RALGAPB: variants seen among roughly 807,000 people sequenced by gnomAD.
RALGAPB encodes ral GTPase-activating protein subunit beta.
Under a neutral mutation model 161.1 loss-of-function variants are expected in RALGAPB, and 25 were observed. The ratio of observed to expected loss-of-function variants is 0.16; its 90% CI spans 0.11 to 0.22. RALGAPB has a LOEUF of 0.22. RALGAPB is among the 10% of genes least tolerant of loss of function. RALGAPB has a pLI of 1.00. For missense variants in RALGAPB, 1,391 were observed against 1,815.2 expected, an observed-to-expected ratio of 0.77 and a Z score of 4.25; for synonymous variants, 629 against 626.1, an observed-to-expected ratio of 1.00 and a Z score of -0.07.
At chr20:38,570,338 A>C (rs2145532443) in intron 27 of RALGAPB, among the ~76,000 whole-genome samples, 1 of 152,208 alleles carries the variant, frequency 6.6e-6, no homozygotes, top group African/African-American at 2.4e-5. Flanking sequence ...CACTTCACTT[A>C]CCCTCTCTCC....
chr20:38,564,560 G>A (rs187695782), intron 24 of RALGAPB, among the ~76,000 whole-genome samples: 155 of 151,872 alleles, frequency 1.0e-3, no homozygotes, highest in Admixed American at 8.3e-3. Context: ...CCAATTTTTG[G>A]TCCGATTGTT....
rs773196644 is a variant in RALGAPB, at chr20:38,535,190, C to T, written c.2362C>T (p.Leu788Phe). 1.1e-5 allele frequency: 17 copies of T among 1,614,088 alleles called. No homozygotes were observed. In the South Asian group the frequency reaches 1.6e-4, roughly 16 times the overall value. Residue 788 changes from leucine (L) to phenylalanine (F), a missense_variant, in exon 16 of 30, where the codon CTC (leucine) becomes TTC (phenylalanine). By Grantham distance (22) the Leu-to-Phe change is conservative (BLOSUM62 0). Transcript: ENST00000262879. ...MSISLAALEL[L>F]SGLAKVKVMV... ...CATATCACTGGCAGCTCTAGAGCTC[C>T]TCTCTGGCCTTGCAAAGGTGAGGAA...
intron 1 of RALGAPB, among the ~76,000 whole-genome samples, chr20:38,473,452 C>T (rs1380387327): frequency 1.3e-5 from 2 of 152,198 alleles, no homozygotes. Flanking sequence ...GCCCATTGCA[C>T]AGTGACACTT....
intron 13 of RALGAPB, among the ~76,000 whole-genome samples, chr20:38,528,624 C>T (rs2086546786): frequency 6.6e-6 from 1 of 152,086 alleles, no homozygotes; most frequent in Admixed American, 6.5e-5. Context: ...CCTCCTTAGC[C>T]TCCCAAAATG....
At chr20:38,500,548 A>G (rs1052866089) in intron 5 of RALGAPB, among the ~76,000 whole-genome samples, 6 of 152,322 alleles carry the variant, frequency 3.9e-5, no homozygotes, top group Admixed American at 2.6e-4. Flanking sequence ...CTTGAGACAC[A>G]ATGATACTGA....
chr20:38,498,113 A>G (rs1283056037), intron 4 of RALGAPB, among the ~76,000 whole-genome samples: 1 of 151,820 alleles, frequency 6.6e-6, no homozygotes, highest in Non-Finnish European at 1.5e-5. Flanking sequence ...CAATTAAATT[A>G]GAGCCTATAG....
Position 38,521,618 on chromosome 20 carries a change from A to T in RALGAPB, c.1539A>T (p.Arg513Ser). 6.2e-7 allele frequency: 1 copy of T among 1,614,214 alleles called. No individual in the cohort carries two copies. The highest frequency in any genetic ancestry group is 1.1e-5 in the South Asian group (1 of 91,088). ...SEFPDNYEAG[R>S]AEACGTLCRI... The stretch of plus-strand genomic sequence containing the variant: ...TTCCTGATAACTATGAAGCAGGAAG[A>T]GCTGAGGCTTGTGGGACACTGTGTA... Residue 513 changes from arginine to serine, a missense_variant, in exon 10 of 30, where the codon AGA becomes AGT. Around this residue, in one of 3 missense-constraint regions of RALGAPB, gnomAD observed 946 missense variants for 1,257.2 expected, o/e 0.75. Coordinates refer to ENST00000262879, the MANE Select transcript of RALGAPB (RefSeq NM_020336.4).
Position 38,500,165 on chromosome 20 carries a change from A to G in RALGAPB, c.740+532A>G, listed in dbSNP as rs574378920. 6.0e-5 allele frequency among the ~76,000 whole-genome samples: 9 copies of G among 150,664 alleles called. No homozygotes were observed. In the East Asian group the frequency reaches 1.7e-3, roughly 29 times the overall value. On this transcript the variant is annotated intron_variant, in intron 5 of 29. Coordinates refer to ENST00000262879, the MANE Select transcript of RALGAPB (RefSeq NM_020336.4). ...TCATTTTTTTCAGACTTATTTTTTCATTTCAATCGTGATTTTAATATGCAA... is the reference window on the plus strand; with the variant it reads ...TCATTTTTTTCAGACTTATTTTTTCGTTTCAATCGTGATTTTAATATGCAA...
In RALGAPB at chr20:38,517,988, A is replaced by T; in HGVS notation, c.1405A>T (p.Ser469Cys). The T allele has an allele frequency of 6.2e-7, 1 of 1,605,896 alleles. No homozygotes were observed. Among genetic ancestry groups the T allele is most frequent in the Non-Finnish European group, 8.5e-7 (1 of 1,172,446 alleles). ...ACTTCATAATGGGATAAACAGAGAC[A>T]GCAGCATGACTGGTAAATATTACTC... ...CKLHNGINRD[S>C]SMTAITTQAS... The change falls in exon 9 of 30, where the codon AGC becomes TGC. Residue 469 changes from serine (S) to cysteine (C), a missense_variant. Ser to Cys is a moderately radical substitution (Grantham distance 112). This residue lies in a region of RALGAPB where 946 missense variants were observed against 1,257.2 expected (regional missense o/e 0.75). Transcript: ENST00000262879.
chr20:38,562,722 T>G (rs1274285517), intron 24 of RALGAPB, 25 bp downstream of exon 24: 2 of 1,565,812 alleles, frequency 1.3e-6, no homozygotes, highest in Non-Finnish European at 1.7e-6. Flanking sequence ...GTTTCAAATG[T>G]CAGTTGTTTC....
In RALGAPB at chr20:38,499,547, A is replaced by G; in HGVS notation, c.654A>G (p.Lys218=). ...TRCFPTPPYW[K]TAKEMVANWR... ...GCTTCCCAACACCTCCTTATTGGAA[A>G]ACAGCCAAGGAGATGGTGGCTAACT... The change falls in exon 5 of 30, where the codon AAA becomes AAG. Residue 218 remains lysine (K), a synonymous_variant. Transcript: ENST00000262879. 1 of 1,614,002 alleles carries G rather than the reference A, an allele frequency of 6.2e-7. No homozygotes were observed. The highest frequency in any genetic ancestry group is 1.3e-5 in the African/African-American group (1 of 75,008).
chr20:38,507,359 C>G (rs529256121), intron 5 of RALGAPB, among the ~76,000 whole-genome samples: 1 of 151,440 alleles, frequency 6.6e-6, no homozygotes, highest in Non-Finnish European at 1.5e-5. Context: ...TAATAATTTC[C>G]TTGTTATTGT....
intron 11 of RALGAPB, 114 bp from the exon 12 acceptor site, chr20:38,525,290 C>A: frequency 1.3e-6 from 1 of 743,598 alleles, no homozygotes; most frequent in Non-Finnish European, 2.3e-6. Context: ...TAGAAATATA[C>A]AATATACAAA....
chr20:38,535,354 C>T lies in RALGAPB; in HGVS notation c.2379+147C>T, dbSNP rs2145359107. ...ATATCCAAAGTGTACAAAATTTAGC[C>T]TCCAAGTGATATTCTATGCAATGAA... On this transcript the variant is annotated intron_variant, in intron 16 of 29. Transcript: ENST00000262879. 10 of 1,005,250 alleles carry T rather than the reference C, an allele frequency of 9.9e-6. No individual in the cohort carries two copies. The South Asian group carries it at 1.8e-4, about 18-fold the overall frequency. The allele number at this position is 1,005,250 out of a possible 1,614,324, so 62.3% of individuals were successfully genotyped here.
rs1476401432 is a variant in RALGAPB at position 38,525,462 on chromosome 20, A to T, written c.1846A>T (p.Asn616Tyr). 2 of 1,606,170 alleles carry T rather than the reference A, an allele frequency of 1.2e-6. No individual in the cohort carries two copies. Among genetic ancestry groups the T allele is most frequent in the Non-Finnish European group, 1.7e-6 (2 of 1,178,058 alleles). The part of the protein sequence containing the change: ...NPTELRRSSI[N>Y]ILLSLLPLPH... The stretch of plus-strand genomic sequence containing the variant: ...AACAGAATTGCGAAGATCCTCCATT[A>T]ATATCCTGCTTTCTTTGTTGCCCCT... Residue 616 changes from asparagine (N) to tyrosine (Y), a missense_variant, in exon 12 of 30, where the codon AAT (asparagine) becomes TAT (tyrosine). Asn to Tyr is a moderately radical substitution (Grantham distance 143). This residue lies in a region of RALGAPB where 946 missense variants were observed against 1,257.2 expected (regional missense o/e 0.75). Coordinates refer to ENST00000262879, the MANE Select transcript of RALGAPB (RefSeq NM_020336.4).
At chr20:38,563,588 G>A (rs1464214578) in intron 24 of RALGAPB, among the ~76,000 whole-genome samples, 4 of 152,118 alleles carry the variant, frequency 2.6e-5, no homozygotes, top group African/African-American at 4.8e-5. Context: ...CTGTTCCTGG[G>A]CTCCTGAGGT....
intron 2 of RALGAPB, among the ~76,000 whole-genome samples, chr20:38,490,494 C>A (rs987323530): frequency 2.0e-5 from 3 of 151,254 alleles, no homozygotes; most frequent in Non-Finnish European, 4.4e-5. Flanking sequence ...AGGCGTGAGC[C>A]ACCGCGCCCG....
chr20:38,519,522 A>T (rs555714289), intron 9 of RALGAPB, among the ~76,000 whole-genome samples: 1 of 152,282 alleles, frequency 6.6e-6, no homozygotes, highest in South Asian at 2.1e-4. Flanking sequence ...AAGGGAACTT[A>T]TAGATCTTTT....
chr20:38,532,843 T>C lies in RALGAPB; in HGVS notation c.2229T>C (p.Ala743=). ...TTPDSERPAQ[A]LLRDYALNTD... ...CCGATAGTGAGAGACCTGCTCAAGCTCTCTTAAGAGATTATGGTTAGTCGT... is the reference window on the plus strand; with the variant it reads ...CCGATAGTGAGAGACCTGCTCAAGCCCTCTTAAGAGATTATGGTTAGTCGT... Residue 743 remains alanine (A), a synonymous_variant, in exon 15 of 30, where the codon GCT becomes GCC. Transcript: ENST00000262879. 1 of 1,614,154 alleles carries C rather than the reference T, an allele frequency of 6.2e-7. No homozygotes were observed. Among genetic ancestry groups the C allele is most frequent in the Non-Finnish European group, 8.5e-7 (1 of 1,180,002 alleles).
Sources: allele counts gnomAD v4.1 joint callset (sites outside exome capture counted in the v4.1 genomes callset), GRCh38; gene constraint gnomAD v4.1.1; regional missense constraint gnomAD v4.1.1; transcripts MANE v1.5; gene names NCBI Gene and HGNC (gene_info 2026-07-23, HGNC 2026-07-21).